ZFHX3: variants seen among roughly 807,000 people sequenced by gnomAD.
The protein encoded by ZFHX3 is zinc finger homeobox protein 3.
ZFHX3 carries 42 observed loss-of-function variants against 279.1 expected under a neutral mutation model. The observed-to-expected ratio is 0.15, with a 90% CI of 0.12 to 0.19. ZFHX3 has a LOEUF of 0.19. Among genes scored for constraint, ZFHX3 ranks in the 10% least tolerant of loss-of-function variants. The pLI is 1.00. For missense variants in ZFHX3, 4,981 were observed against 4,754.0 expected, an observed-to-expected ratio of 1.05 and a Z score of -1.40; for synonymous variants, 2,293 against 1,957.8, an observed-to-expected ratio of 1.17 and a Z score of -4.52.
At chr16:73,492,486 G>C (rs1350221536) in intron 2 of ZFHX3, among the ~76,000 whole-genome samples, 1 of 152,180 alleles carries the variant, frequency 6.6e-6, no homozygotes, top group African/African-American at 2.4e-5. Context: ...ATTGCCACCA[G>C]GGAAGCTGCA....
At chr16:73,099,009 A>T (rs1352139246) in intron 7 of ZFHX3, 4 of 152,240 alleles carry the variant, frequency 2.6e-5, no homozygotes, top group Non-Finnish European at 5.9e-5. Context: ...GCCGGAGCAG[A>T]GGTTGTCATG....
intron 1 of ZFHX3, among the ~76,000 whole-genome samples, chr16:73,849,147 G>A (rs964909247): frequency 6.6e-6 from 1 of 152,200 alleles, no homozygotes; most frequent in African/African-American, 2.4e-5. Flanking sequence ...GCTTTGCACA[G>A]TATACATCTA....
At chr16:73,209,472 A>G (rs917124513) in intron 5 of ZFHX3, among the ~76,000 whole-genome samples, 1 of 152,154 alleles carries the variant, frequency 6.6e-6, no homozygotes, top group Non-Finnish European at 1.5e-5. Flanking sequence ...ATCCTTTTAT[A>G]GAGGAGAGGA....
chr16:73,730,372 A>G (rs8051250), intron 1 of ZFHX3, among the ~76,000 whole-genome samples: 77,700 of 114,342 alleles, frequency 0.68, 26,175 homozygotes, highest in East Asian at 0.77. Context: ...AAAAAAAAAA[A>G]AAAGAAAAAG....
At chr16:73,215,140 A>G (rs750200719) in intron 5 of ZFHX3, among the ~76,000 whole-genome samples, 2 of 152,320 alleles carry the variant, frequency 1.3e-5, no homozygotes, top group Non-Finnish European at 2.9e-5. Flanking sequence ...AAAACAACCA[A>G]TTCATAACCA....
intron 1 of ZFHX3, among the ~76,000 whole-genome samples, chr16:73,735,627 A>G (rs1380704310): frequency 1.3e-5 from 2 of 152,156 alleles, no homozygotes; most frequent in Admixed American, 1.3e-4. Context: ...CACTATCACC[A>G]AACAATGACA....
intron 1 of ZFHX3, among the ~76,000 whole-genome samples, chr16:72,966,516 T>C (rs1961848142): frequency 6.6e-6 from 1 of 152,222 alleles, no homozygotes; most frequent in Admixed American, 6.5e-5. Flanking sequence ...GCAACAGTAC[T>C]ACTCTGTACC....
intron 1 of ZFHX3, among the ~76,000 whole-genome samples, chr16:73,783,750 A>T (rs1407369029): frequency 6.6e-6 from 1 of 152,182 alleles, no homozygotes; most frequent in East Asian, 1.9e-4. Context: ...TCTTTGCAAC[A>T]ATCTGATGAG....
chr16:73,178,286 C>A (rs548614132), intron 5 of ZFHX3, among the ~76,000 whole-genome samples: 6 of 152,104 alleles, frequency 3.9e-5, no homozygotes, highest in Admixed American at 6.5e-5. Context: ...TACAGGCACC[C>A]GCCACAACAC....
At chr16:73,455,346 G>C (rs1361581058) in intron 3 of ZFHX3, among the ~76,000 whole-genome samples, 1 of 152,158 alleles carries the variant, frequency 6.6e-6, no homozygotes, top group East Asian at 1.9e-4. Context: ...CAGTTCCTTA[G>C]TGCATCATAG....
rs1408293310 is a variant in ZFHX3 at position 73,457,606 on chromosome 16, C to T, written c.-1546-1348G>A. On this transcript the variant is annotated intron_variant, in intron 2 of 17. Coordinates refer to the ZFHX3 transcript ENST00000641206. ...TGACCAACATGGTGAAACTCTGTCTCTACTAAAAATACAAAAATTAACCTG... is the reference window on the plus strand; with the variant it reads ...TGACCAACATGGTGAAACTCTGTCTTTACTAAAAATACAAAAATTAACCTG... Among the ~76,000 whole-genome samples, 5 of 152,104 alleles carry T rather than the reference C, an allele frequency of 3.3e-5. No individual in the cohort carries two copies. In the East Asian group the frequency reaches 9.7e-4, roughly 29 times the overall value.
chr16:73,464,196 AAGAAAGAG>A (rs2018522103), intron 2 of ZFHX3, among the ~76,000 whole-genome samples: 1 of 152,082 alleles, frequency 6.6e-6, no homozygotes, highest in South Asian at 2.1e-4. Flanking sequence ...GAGTAAGTGG[AAGAAAGAG>A]AGAAAGAGAG....
chr16:73,223,535 A>G (rs931841008), intron 5 of ZFHX3, among the ~76,000 whole-genome samples: 21 of 152,178 alleles, frequency 1.4e-4, no homozygotes, highest in African/African-American at 3.6e-4. Context: ...AACATCCAAA[A>G]TAACGACAAC....
intron 2 of ZFHX3, among the ~76,000 whole-genome samples, chr16:73,640,144 C>T (rs1374736235): frequency 6.6e-6 from 1 of 152,066 alleles, no homozygotes; most frequent in East Asian, 1.9e-4. Flanking sequence ...GATCCTGGGG[C>T]CTGCAATGGA....
chr16:73,772,318 G>A (rs1320322107), intron 1 of ZFHX3, among the ~76,000 whole-genome samples: 2 of 152,218 alleles, frequency 1.3e-5, no homozygotes, highest in South Asian at 4.1e-4. Flanking sequence ...GGCGGAGCAA[G>A]TCACATCTTA....
chr16:73,823,233 G>A (rs912872029), intron 1 of ZFHX3, among the ~76,000 whole-genome samples: 1 of 152,150 alleles, frequency 6.6e-6, no homozygotes, highest in African/African-American at 2.4e-5. Context: ...ACCAAAGTAG[G>A]AGTTAATTAG....
chr16:73,347,781 C>T (rs1209727519), intron 3 of ZFHX3, among the ~76,000 whole-genome samples: 1 of 152,226 alleles, frequency 6.6e-6, no homozygotes, highest in Non-Finnish European at 1.5e-5. Context: ...TATTTACAAC[C>T]AGAGCTCCAT....
chr16:73,750,307 C>A (rs1044586471), intron 1 of ZFHX3, among the ~76,000 whole-genome samples: 1 of 152,294 alleles, frequency 6.6e-6, no homozygotes, highest in African/African-American at 2.4e-5. Flanking sequence ...AGAAGCGGGT[C>A]TGGAGTGTAC....
At chr16:73,806,501 A>T (rs1173720318) in intron 1 of ZFHX3, among the ~76,000 whole-genome samples, 9 of 151,994 alleles carry the variant, frequency 5.9e-5, no homozygotes, top group Admixed American at 6.6e-5. Flanking sequence ...AAAGTGGGTC[A>T]GTCCTTGTAC....
Sources: allele counts gnomAD v4.1 joint callset (sites outside exome capture counted in the v4.1 genomes callset), GRCh38; gene constraint gnomAD v4.1.1; transcripts MANE v1.5; gene names NCBI Gene and HGNC (gene_info 2026-07-23, HGNC 2026-07-21).